EPHB1: variants seen among roughly 807,000 people sequenced by gnomAD.
The protein encoded by EPHB1 is EPH receptor B1.
EPHB1 carries 30 observed loss-of-function variants against 94.4 expected under a neutral mutation model. The observed-to-expected ratio is 0.32, with a 90% CI of 0.24 to 0.43. The LOEUF is 0.43. Among genes scored for constraint, EPHB1 ranks in the 20% least tolerant of loss-of-function variants. The probability of loss-of-function intolerance (pLI) is 1.00; values close to 1 mark genes in which losing one functional copy is unlikely to be tolerated. For missense variants in EPHB1, 1,055 were observed against 1,308.3 expected (o/e 0.81, Z 2.99); for synonymous variants, 522 against 489.1 (o/e 1.07, Z -0.89).
intron 11 of EPHB1, among the ~76,000 whole-genome samples, chr3:135,198,237 C>T (rs1285027060): frequency 6.6e-6 from 1 of 152,144 alleles, no homozygotes; most frequent in Non-Finnish European, 1.5e-5. Flanking sequence ...AAGTGATTTA[C>T]CATTCTGAAC....
At chr3:134,969,281 T>G (rs79315290) in intron 3 of EPHB1, among the ~76,000 whole-genome samples, 2,063 of 152,382 alleles carry the variant, frequency 0.014, 49 homozygotes, top group African/African-American at 0.047. Context: ...TGATCTTTCA[T>G]GTGCTTGTTT....
rs181448101 is a variant in EPHB1, at chr3:135,193,331, G to A, written c.2130+508G>A. Among the ~76,000 whole-genome samples the A allele has an allele frequency of 3.3e-5, 5 of 152,338 alleles. No individual in the cohort carries two copies. The East Asian group carries it at 5.8e-4, about 18-fold the overall frequency. ...GGAAGACTGCATCACAAGCATCCAC[G>A]GGTATTTCTGTGATTGGCGAAGATT... On this transcript the variant is annotated intron_variant, in intron 11 of 15. Coordinates refer to ENST00000398015, the MANE Select transcript of EPHB1 (RefSeq NM_004441.5).
At chr3:135,153,953 C>T (rs530081075) in intron 5 of EPHB1, among the ~76,000 whole-genome samples, 199 bp from the exon 6 acceptor site, 5 of 152,296 alleles carry the variant, frequency 3.3e-5, no homozygotes, top group Admixed American at 2.0e-4. Flanking sequence ...TAAATGCTAC[C>T]TTCTCTCTCC....
Position 134,975,726 on chromosome 3 carries a change from GT to G in EPHB1, c.805+23684del, listed in dbSNP as rs796726106. On this transcript the variant is annotated intron_variant, in intron 3 of 15. Transcript: ENST00000398015. ...TAGGTTAAAGTTAGTGAAGAACAGTGTTTTTTTTTTAAACTATTCGTAAGGA... is the reference window on the plus strand; with the variant it reads ...TAGGTTAAAGTTAGTGAAGAACAGTGTTTTTTTTTAAACTATTCGTAAGGA... Among the ~76,000 whole-genome samples, 515 of 149,194 alleles carry G rather than the reference GT, an allele frequency of 3.5e-3. 6 individuals carry two copies. The highest frequency in any genetic ancestry group is 0.012 in the African/African-American group (489 of 40,624).
At chr3:135,156,326 G>A (rs1486553471) in intron 6 of EPHB1, among the ~76,000 whole-genome samples, 2 of 152,210 alleles carry the variant, frequency 1.3e-5, no homozygotes, top group African/African-American at 4.8e-5. Context: ...GCCTGGGTGA[G>A]GTCTTGCAGT....
chr3:135,105,478 G>A (rs1406520888), intron 3 of EPHB1, among the ~76,000 whole-genome samples: 1 of 152,200 alleles, frequency 6.6e-6, no homozygotes, highest in Non-Finnish European at 1.5e-5. Context: ...GGGCCTTGGG[G>A]AAGTAGGGTA....
At chr3:135,238,176 C>A (rs140206796) in intron 12 of EPHB1, among the ~76,000 whole-genome samples, 90 of 152,246 alleles carry the variant, frequency 5.9e-4, no homozygotes, top group African/African-American at 1.9e-3. Context: ...TTTAAAATTC[C>A]TAGGAAACAA....
chr3:134,985,359 A>G (rs1415270323), intron 3 of EPHB1, among the ~76,000 whole-genome samples: 1 of 152,090 alleles, frequency 6.6e-6, no homozygotes, highest in African/African-American at 2.4e-5. Context: ...GGGTTTCACC[A>G]TGTTGCCTAG....
intron 6 of EPHB1, among the ~76,000 whole-genome samples, chr3:135,158,554 C>T (rs1941421625): frequency 6.6e-6 from 1 of 152,120 alleles, no homozygotes; most frequent in African/African-American, 2.4e-5. Flanking sequence ...CTCCACATAA[C>T]CCTTGGTTTG....
At position 134,883,401 on chromosome 3, in the gene EPHB1, G is replaced by T. The variant is rs113768221; in HGVS notation, c.59-42415G>T. Among the ~76,000 whole-genome samples, 20 of 152,296 alleles carry T rather than the reference G, an allele frequency of 1.3e-4. 2 individuals carry two copies. The highest frequency in any genetic ancestry group is 4.6e-4 in the African/African-American group (19 of 41,570). ...AACCCAGGCTGACCAAAAATTAAATGTCCTGCCATGGAGGGTGGTGAGCAT... is the reference window on the plus strand; with the variant it reads ...AACCCAGGCTGACCAAAAATTAAATTTCCTGCCATGGAGGGTGGTGAGCAT... On this transcript the variant is annotated intron_variant, in intron 1 of 15. Transcript: ENST00000398015.
chr3:135,240,576 G>A (rs1943758431), intron 12 of EPHB1, among the ~76,000 whole-genome samples: 1 of 152,198 alleles, frequency 6.6e-6, no homozygotes, highest in Non-Finnish European at 1.5e-5. Context: ...CAACCCTCAT[G>A]AAGCTCAGGG....
intron 5 of EPHB1, among the ~76,000 whole-genome samples, chr3:135,139,328 A>T (rs1296583161): frequency 6.6e-6 from 1 of 152,198 alleles, no homozygotes; most frequent in Non-Finnish European, 1.5e-5. Context: ...CACAGAAGAG[A>T]CTCAACCACT....
At chr3:134,850,587 A>G (rs2036959861) in intron 1 of EPHB1, among the ~76,000 whole-genome samples, 1 of 152,194 alleles carries the variant, frequency 6.6e-6, no homozygotes, top group South Asian at 2.1e-4. Flanking sequence ...TGGGGCAGGA[A>G]GAGGCCTGTG....
At position 134,821,187 on chromosome 3, in the gene EPHB1, A is replaced by G. The variant is rs73229115; in HGVS notation, c.58+25498A>G. On this transcript the variant is annotated intron_variant, in intron 1 of 15. Coordinates refer to ENST00000398015, the MANE Select transcript of EPHB1 (RefSeq NM_004441.5). ...GAAGGTCAGCCTTTTTGTTCTATTC[A>G]AGCCTTCAACTGATTGGATGTGGCC... Among the ~76,000 whole-genome samples the G allele has an allele frequency of 2.6e-3, 395 of 152,346 alleles. 1 individual carries two copies. Among genetic ancestry groups the G allele is most frequent in the Admixed American group, 5.6e-3 (86 of 15,302 alleles).
intron 1 of EPHB1, among the ~76,000 whole-genome samples, chr3:134,824,125 CTTTTTT>C (rs373504139): frequency 3.0e-5 from 3 of 100,756 alleles, no homozygotes; most frequent in Non-Finnish European, 6.1e-5. Flanking sequence ...GGATAATGCC[CTTTTTT>C]TTTTTTTTTT....
At chr3:135,066,047 G>T (rs2107779336) in intron 3 of EPHB1, among the ~76,000 whole-genome samples, 1 of 152,302 alleles carries the variant, frequency 6.6e-6, no homozygotes, top group East Asian at 1.9e-4. Flanking sequence ...CTAGCTTGTA[G>T]GGTTTCTGCT....
chr3:135,187,889 C>A (rs930834422), intron 10 of EPHB1, among the ~76,000 whole-genome samples: 1 of 152,184 alleles, frequency 6.6e-6, no homozygotes, highest in Non-Finnish European at 1.5e-5. Context: ...CTCCCAACTA[C>A]CTACTTCTGT....
chr3:135,175,923 C>T (rs1941965802), intron 9 of EPHB1, among the ~76,000 whole-genome samples: 1 of 152,150 alleles, frequency 6.6e-6, no homozygotes, highest in South Asian at 2.1e-4. Flanking sequence ...ACACCATTTT[C>T]CTGATAATTA....
chr3:134,823,869 GAGA>G (rs1355463942), intron 1 of EPHB1: 1 of 152,256 alleles, frequency 6.6e-6, no homozygotes, highest in Non-Finnish European at 1.5e-5. Context: ...ACAGCAGAAT[GAGA>G]AGAAAGCAGG....
Sources: allele counts gnomAD v4.1 joint callset (sites outside exome capture counted in the v4.1 genomes callset), GRCh38; gene constraint gnomAD v4.1.1; transcripts MANE v1.5; gene names NCBI Gene and HGNC (gene_info 2026-07-23, HGNC 2026-07-21).